Variants in DNAH8 observed in about 807,000 individuals in gnomAD.
DNAH8 encodes dynein axonemal heavy chain 8.
In DNAH8, 382 loss-of-function variants were observed where a neutral mutation model predicts 562.1. That is an observed-to-expected ratio of 0.68 (90% confidence interval 0.63 to 0.74). DNAH8 has a LOEUF of 0.74. Ranked by LOEUF, DNAH8 falls within the 30% of genes least tolerant of loss-of-function variation. The pLI, the probability that DNAH8 is intolerant of heterozygous loss-of-function variation, is 0.00. For missense variants in DNAH8, 5,203 were observed against 5,620.4 expected (o/e 0.93, Z 2.37); for synonymous variants, 1,881 against 1,919.4 (o/e 0.98, Z 0.52).
At chr6:38,970,645 T>C (rs1763272947) in intron 82 of DNAH8, among the ~76,000 whole-genome samples, 1 of 152,160 alleles carries the variant, frequency 6.6e-6, no homozygotes, top group African/African-American at 2.4e-5. Flanking sequence ...TCTGACATAC[T>C]TCCCTCCCCA....
chr6:38,845,086 AT>A lies in DNAH8; in HGVS notation c.4846-487del, dbSNP rs1222020394. On this transcript the variant is annotated intron_variant, in intron 35 of 92. Coordinates refer to ENST00000327475, the MANE Select transcript of DNAH8 (RefSeq NM_001206927.2). ...CTTATTAAGTATTCTCAAAAAAAAA[AT>A]ATAGAAAAACCCATAAGAAAAAAAC... 4.0e-5 allele frequency among the ~76,000 whole-genome samples: 6 copies of A among 151,374 alleles called. No homozygotes were observed. In the East Asian group the frequency reaches 1.2e-3, roughly 29 times the overall value.
At chr6:38,825,324 T>C (rs1015934604) in intron 28 of DNAH8, among the ~76,000 whole-genome samples, 4 of 152,054 alleles carry the variant, frequency 2.6e-5, no homozygotes, top group Admixed American at 6.6e-5. Context: ...CTTGGCAGAA[T>C]TGGGGAGTGT....
chr6:38,770,629 T>G, intron 12 of DNAH8, 70 bp downstream of exon 12: 4 of 1,379,418 alleles, frequency 2.9e-6, no homozygotes, highest in Non-Finnish European at 3.9e-6. Flanking sequence ...CTTTATGTAG[T>G]GCCATTGAGA....
At chr6:38,861,939 T>C (rs891444332) in intron 43 of DNAH8, among the ~76,000 whole-genome samples, 3 of 138,346 alleles carry the variant, frequency 2.2e-5, no homozygotes, top group Admixed American at 7.8e-5. Flanking sequence ...TTGGCAAACA[T>C]GAAAACCAGG....
intron 11 of DNAH8, among the ~76,000 whole-genome samples, chr6:38,769,641 G>T (rs1200207971): frequency 6.6e-6 from 1 of 152,156 alleles, no homozygotes; most frequent in Non-Finnish European, 1.5e-5. Context: ...CCTATCCATA[G>T]GTTATGTTAC....
chr6:38,889,065 A>G (rs968024985), intron 57 of DNAH8, among the ~76,000 whole-genome samples: 1 of 152,228 alleles, frequency 6.6e-6, no homozygotes, highest in East Asian at 1.9e-4. Context: ...ATGCCAGCAG[A>G]CTTATACAAA....
rs569848417 is a variant in DNAH8 at position 38,857,696 on chromosome 6, C to T, written c.5912C>T (p.Thr1971Ile). The change falls in exon 42 of 93, where the codon ACT becomes ATT. Residue 1971 changes from threonine (T) to isoleucine (I), a missense_variant. Thr to Ile is a moderately conservative substitution (Grantham distance 89). This residue lies in a region of DNAH8 where 2,176 missense variants were observed against 2,365.1 expected (regional missense o/e 0.92). Transcript: ENST00000327475. ...AAGTTTGATAGAGTGAAGTTCGAGA[C>T]TCTAATTACCATCCATGTGCATCAG... ...LSKFDRVKFE[T>I]LITIHVHQRD... is the part of the protein sequence containing the mutation. 1.9e-6 allele frequency: 3 copies of T among 1,613,378 alleles called. No individual in the cohort carries two copies. Among genetic ancestry groups the T allele is most frequent in the Non-Finnish European group, 2.5e-6 (3 of 1,179,600 alleles).
At chr6:39,028,442 T>G (rs1335263062) in intron 92 of DNAH8, among the ~76,000 whole-genome samples, 1 of 152,200 alleles carries the variant, frequency 6.6e-6, no homozygotes, top group Non-Finnish European at 1.5e-5. Context: ...TTGGCTTTCC[T>G]TCATCATTAC....
rs1554124713 is a variant in DNAH8, at chr6:38,875,761, G to T, written c.7791G>T (p.Lys2597Asn). The change falls in exon 53 of 93, where the codon AAG becomes AAT. Residue 2597 changes from lysine (K) to asparagine (N), a missense_variant. Lys to Asn is a moderately conservative substitution (Grantham distance 94). Transcript: ENST00000327475. ...LEAFLRQHES[K>N]LDLPEIPKGS... ...CCTTCTTACGGCAGCATGAAAGCAA[G>T]TTGGACTTACCAGAAATACCTAAAG... The T allele has an allele frequency of 6.2e-7, 1 of 1,614,000 alleles. No homozygotes were observed. Among genetic ancestry groups the T allele is most frequent in the Admixed American group, 1.7e-5 (1 of 60,010 alleles).
chr6:38,840,582 C>A (rs1042779820), intron 33 of DNAH8, among the ~76,000 whole-genome samples: 2 of 152,094 alleles, frequency 1.3e-5, no homozygotes, highest in Non-Finnish European at 2.9e-5. Context: ...TTATAAAATT[C>A]ATCTAGGTTA....
chr6:38,926,603 G>A (rs541773080), intron 74 of DNAH8, among the ~76,000 whole-genome samples: 2 of 152,206 alleles, frequency 1.3e-5, no homozygotes, highest in African/African-American at 4.8e-5. Context: ...TTTGGTGCTT[G>A]CATCTAATAA....
chr6:38,910,528 C>A (rs1337100712), intron 65 of DNAH8, among the ~76,000 whole-genome samples: 1 of 152,170 alleles, frequency 6.6e-6, no homozygotes, highest in Non-Finnish European at 1.5e-5. Context: ...CTCCCAAATT[C>A]TCTTGGTGAA....
At position 38,949,060 on chromosome 6, in the gene DNAH8, G is replaced by T. The variant is rs573440994; in HGVS notation, c.12130-392G>T. On this transcript the variant is annotated intron_variant, in intron 80 of 92. Coordinates refer to ENST00000327475, the MANE Select transcript of DNAH8 (RefSeq NM_001206927.2). ...TTGATTGTTAGGACCCGGGTGGAGG[G>T]TGCTACTGGCATCTAGTGGATAGGG... Among the ~76,000 whole-genome samples the T allele has an allele frequency of 7.1e-4, 108 of 152,160 alleles. 1 individual carries two copies. The highest frequency in any genetic ancestry group is 2.6e-3 in the African/African-American group (106 of 41,526).
At chr6:38,953,089 C>T (rs1762026680) in intron 82 of DNAH8, 1 of 152,220 alleles carries the variant, frequency 6.6e-6, no homozygotes, top group Non-Finnish European at 1.5e-5. Flanking sequence ...TCTAGTGGCT[C>T]ATGGGCTTCA....
chr6:38,722,583 G>GGTGTGT (rs972274305), intron 1 of DNAH8, among the ~76,000 whole-genome samples, 193 bp from the exon 2 acceptor site: 3 of 149,034 alleles, frequency 2.0e-5, no homozygotes, highest in Non-Finnish European at 4.5e-5. Context: ...GGTGGGTGGG[G>GGTGTGT]GTGTGTGTGT....
At chr6:39,022,141 AG>A (rs1420247439) in intron 91 of DNAH8, among the ~76,000 whole-genome samples, 1 of 152,178 alleles carries the variant, frequency 6.6e-6, no homozygotes, top group Non-Finnish European at 1.5e-5. Flanking sequence ...AGGAGGCTGG[AG>A]GGGAGATGAA....
chr6:38,731,217 A>G (rs1358784565), intron 4 of DNAH8, among the ~76,000 whole-genome samples: 1 of 152,224 alleles, frequency 6.6e-6, no homozygotes, highest in East Asian at 1.9e-4. Context: ...ATAGCTGAAA[A>G]TTATAGAAAG....
chr6:38,891,148 T>C (rs1779316079), intron 58 of DNAH8, among the ~76,000 whole-genome samples: 1 of 152,206 alleles, frequency 6.6e-6, no homozygotes, highest in African/African-American at 2.4e-5. Context: ...TTTCCAGATA[T>C]TCTCAGCCAA....
chr6:38,960,398 G>A (rs1285275354), intron 82 of DNAH8, among the ~76,000 whole-genome samples: 1 of 139,414 alleles, frequency 7.2e-6, no homozygotes, highest in Admixed American at 7.6e-5. Context: ...GAATATATAA[G>A]TAACACAAAC....
Sources: allele counts gnomAD v4.1 joint callset (sites outside exome capture counted in the v4.1 genomes callset), GRCh38; gene constraint gnomAD v4.1.1; regional missense constraint gnomAD v4.1.1; transcripts MANE v1.5; gene names NCBI Gene and HGNC (gene_info 2026-07-23, HGNC 2026-07-21).